Variants in FKBP15 observed in about 807,000 individuals in gnomAD.
FKBP15 encodes FKBP prolyl isomerase family member 15.
FKBP15 carries 106 observed loss-of-function variants against 158.1 expected under a neutral mutation model. The observed-to-expected ratio is 0.67, with a 90% CI of 0.57 to 0.79. FKBP15 has a LOEUF of 0.79. Among genes scored for constraint, FKBP15 ranks in the 30% least tolerant of loss-of-function variants. The pLI is 0.00. For synonymous variants in FKBP15, 547 were observed against 548.6 expected (o/e 1.00, Z 0.04); for missense variants, 1,287 against 1,479.1 (o/e 0.87, Z 2.13).
chr9:113,193,888 A>C, intron 10 of FKBP15, 139 bp downstream of exon 10: 7 of 977,384 alleles, frequency 7.2e-6, no homozygotes, highest in Non-Finnish European at 1.0e-5. Flanking sequence ...TGATGCAAGT[A>C]TCTTCCCCAT....
At chr9:113,191,201 G>A (rs1278279037) in intron 11 of FKBP15, among the ~76,000 whole-genome samples, 1 of 151,276 alleles carries the variant, frequency 6.6e-6, no homozygotes, top group Non-Finnish European at 1.5e-5. Flanking sequence ...TTTTGAGATG[G>A]GTTCTCTATC....
At chr9:113,183,656 T>C in intron 18 of FKBP15, 95 bp downstream of exon 18, 1 of 770,992 alleles carries the variant, frequency 1.3e-6, no homozygotes, top group Non-Finnish European at 2.2e-6. Flanking sequence ...CAGAAATACA[T>C]ACGTACTGCC....
In FKBP15 at chr9:113,169,750, C is replaced by T; in HGVS notation, c.2959G>A (p.Val987Met). The T allele has an allele frequency of 6.2e-7, 1 of 1,611,386 alleles. No individual in the cohort carries two copies. Among genetic ancestry groups the T allele is most frequent in the South Asian group, 1.1e-5 (1 of 90,340 alleles). The change falls in exon 26 of 28, where the codon GTG becomes ATG. Residue 987 changes from valine to methionine, a missense_variant. By Grantham distance (21) the Val-to-Met change is conservative. Transcript: ENST00000238256. ...GGCAACGGGACAGCTTCCTCGACCA[C>T]CTGCTCTGAGGGCACCATGGGGGAC... ...PESPMVPSEQ[V>M]VEEAVPLPPQ...
In FKBP15 at chr9:113,163,398, C is replaced by A. The variant is rs1252688356; in HGVS notation, c.*2680G>T. 3 of 153,026 alleles carry A rather than the reference C, an allele frequency of 2.0e-5. No individual in the cohort carries two copies. Among genetic ancestry groups the A allele is most frequent in the African/African-American group, 7.2e-5 (3 of 41,472 alleles). The allele number at this position is 153,026 out of a possible 1,614,324, so 9.5% of individuals were successfully genotyped here. The stretch of plus-strand genomic sequence containing the variant: ...TGAGGGACAGAGACCAAGCTAGATC[C>A]TTTTTCTCACCTTTCTGCCTTTGGA... On this transcript the variant is annotated 3_prime_UTR_variant, in exon 28 of 28. Transcript: ENST00000238256.
chr9:113,161,355 G>C lies in FKBP15; in HGVS notation c.*4723C>G, dbSNP rs1402885079. On this transcript the variant is annotated 3_prime_UTR_variant, in exon 28 of 28. Coordinates refer to ENST00000238256, the MANE Select transcript of FKBP15 (RefSeq NM_015258.2). ...GCCACACTCCAGCTAAGAAAAGTCT[G>C]GTGAAGACAGTGAAGAAGTTCGGAA... is the stretch of plus-strand genomic sequence containing the variant. 2.8e-6 allele frequency: 2 copies of C among 704,344 alleles called. No individual in the cohort carries two copies. The highest frequency in any genetic ancestry group is 4.8e-6 in the Non-Finnish European group (2 of 416,256). The allele number at this position is 704,344 out of a possible 1,614,324, so 43.6% of individuals were successfully genotyped here. A position where few individuals can be genotyped will look rare whatever the true frequency, so the allele number is the denominator to read the frequency against.
At chr9:113,169,126 AT>A (rs1830155170) in intron 26 of FKBP15, 97 bp downstream of exon 26, 1 of 1,434,288 alleles carries the variant, frequency 7.0e-7, no homozygotes, top group Non-Finnish European at 9.2e-7. Flanking sequence ...ACATGAGTAA[AT>A]TAGTCTCTGA....
At chr9:113,201,089 A>C (rs1247877257) in intron 6 of FKBP15, among the ~76,000 whole-genome samples, 1 of 149,004 alleles carries the variant, frequency 6.7e-6, no homozygotes, top group African/African-American at 2.5e-5. Context: ...AAATAAAAAC[A>C]ATGAGGCATC....
rs1257486410 is a variant in FKBP15 at position 113,163,024 on chromosome 9, T to C, written c.*3054A>G. ...TTCTGATGGCTATTCCTCCACCTTATTCCCAGCCCCTGGAAACTTTGAGCT... is the reference window on the plus strand; with the variant it reads ...TTCTGATGGCTATTCCTCCACCTTACTCCCAGCCCCTGGAAACTTTGAGCT... On this transcript the variant is annotated 3_prime_UTR_variant, in exon 28 of 28. Coordinates refer to ENST00000238256, the MANE Select transcript of FKBP15 (RefSeq NM_015258.2). 1 of 1,095,308 alleles carries C rather than the reference T, an allele frequency of 9.1e-7. No homozygotes were observed. The highest frequency in any genetic ancestry group is 2.9e-5 in the East Asian group (1 of 34,412). The allele number at this position is 1,095,308 out of a possible 1,614,324, so 67.8% of individuals were successfully genotyped here.
intron 18 of FKBP15, among the ~76,000 whole-genome samples, chr9:113,183,408 C>G (rs1291234627): frequency 1.3e-5 from 2 of 151,996 alleles, no homozygotes; most frequent in Non-Finnish European, 2.9e-5. Flanking sequence ...AGAGTTAGCC[C>G]ACACAGAAGA....
In FKBP15 at chr9:113,210,820, A is replaced by C. The variant is rs188828880; in HGVS notation, c.169+657T>G. Among the ~76,000 whole-genome samples the C allele has an allele frequency of 1.2e-4, 19 of 152,274 alleles. No homozygotes were observed. In the East Asian group the frequency reaches 1.5e-3, roughly 12 times the overall value. Reference sequence around the variant, plus strand: ...AGGGGCTGACTTGCTGAGTCTTCCGACTTTCATCTTTCTCCTGCGCTGGAT... The same window carrying C: ...AGGGGCTGACTTGCTGAGTCTTCCGCCTTTCATCTTTCTCCTGCGCTGGAT... On this transcript the variant is annotated intron_variant, in intron 2 of 27. Transcript: ENST00000238256.
chr9:113,220,770 G>A (rs1474729074), intron 1 of FKBP15, among the ~76,000 whole-genome samples: 2 of 152,188 alleles, frequency 1.3e-5, no homozygotes, highest in Non-Finnish European at 2.9e-5. Flanking sequence ...CGTGACATCC[G>A]AGCTGGGCCT....
In FKBP15 at chr9:113,162,001, A is replaced by G. The variant is rs753536017; in HGVS notation, c.*4077T>C. The G allele has an allele frequency of 2.2e-6, 1 of 456,258 alleles. No homozygotes were observed. The allele number at this position is 456,258 out of a possible 1,614,324, so 28.3% of individuals were successfully genotyped here. A position where few individuals can be genotyped will look rare whatever the true frequency, so the allele number is the denominator to read the frequency against. On this transcript the variant is annotated 3_prime_UTR_variant, in exon 28 of 28. Coordinates refer to ENST00000238256, the MANE Select transcript of FKBP15 (RefSeq NM_015258.2). Reference sequence around the variant, plus strand: ...GAGGTGGCCACCCACCCTCCCCCAAATCTCACCAGTTCCATGGGTCACTAG... The same window carrying G: ...GAGGTGGCCACCCACCCTCCCCCAAGTCTCACCAGTTCCATGGGTCACTAG...
intron 2 of FKBP15, 73 bp downstream of exon 2, chr9:113,211,404 C>T (rs556172479): frequency 1.4e-4 from 163 of 1,182,376 alleles, no homozygotes; most frequent in African/African-American, 9.6e-4. Context: ...GGTGATCCAC[C>T]GGCCTCGGCC....
intron 12 of FKBP15, among the ~76,000 whole-genome samples, chr9:113,190,170 T>G (rs114653668): frequency 6.6e-6 from 1 of 152,328 alleles, no homozygotes; most frequent in African/African-American, 2.4e-5. Context: ...TGCTATGGAT[T>G]GGGCATCATG....
chr9:113,207,057 A>G, intron 3 of FKBP15, 155 bp downstream of exon 3: 3 of 627,568 alleles, frequency 4.8e-6, no homozygotes. Context: ...TTACCACAGA[A>G]ATCTCCAATT....
Position 113,202,954 on chromosome 9 carries a change from G to A in FKBP15, c.399+7C>T, listed in dbSNP as rs376774067. ...GAGCTAATGATTCCAATATGATGAA[G>A]TCTTACCATTAGCTCAAAGTTCACA... On this transcript the variant is annotated splice_region_variant and intron_variant, in intron 5 of 27. Coordinates refer to ENST00000238256, the MANE Select transcript of FKBP15 (RefSeq NM_015258.2). The A allele has an allele frequency of 1.8e-5, 29 of 1,605,934 alleles. No homozygotes were observed. The African/African-American group carries it at 3.3e-4, about 19-fold the overall frequency.
chr9:113,183,304 C>T (rs560241964), intron 18 of FKBP15, among the ~76,000 whole-genome samples: 13 of 152,112 alleles, frequency 8.5e-5, no homozygotes, highest in Non-Finnish European at 1.5e-4. Flanking sequence ...CCACCCACCC[C>T]TCCAAATCTT....
chr9:113,175,312 G>T (rs1830283113), intron 21 of FKBP15, among the ~76,000 whole-genome samples: 1 of 152,084 alleles, frequency 6.6e-6, no homozygotes, highest in Non-Finnish European at 1.5e-5. Flanking sequence ...GGTCACTGTA[G>T]TAGTATCTAT....
At chr9:113,192,148 T>C (rs1830586348) in intron 11 of FKBP15, among the ~76,000 whole-genome samples, 1 of 152,140 alleles carries the variant, frequency 6.6e-6, no homozygotes, top group Non-Finnish European at 1.5e-5. Context: ...GGAACCAATA[T>C]TGGACCATTT....
Sources: gnomAD v4.1 joint callset for allele counts (sites outside exome capture counted in the v4.1 genomes callset) on GRCh38, gnomAD v4.1.1 for gene constraint, MANE v1.5 for transcripts, NCBI Gene and HGNC (gene_info 2026-07-23, HGNC 2026-07-21) for gene names.